Variants in KCNQ1 observed in about 807,000 individuals in gnomAD.
KCNQ1 encodes the protein potassium voltage-gated channel subfamily KQT member 1.
Under a neutral mutation model 72.4 loss-of-function variants are expected in KCNQ1, and 49 were observed. The ratio of observed to expected loss-of-function variants is 0.68; its 90% CI spans 0.54 to 0.86. The LOEUF is 0.86. Ranked by LOEUF, KCNQ1 falls within the 40% of genes least tolerant of loss-of-function variation. The pLI is 0.00. For missense variants in KCNQ1, 790 were observed against 945.1 expected (o/e 0.84, Z 2.15); for synonymous variants, 450 against 412.6 (o/e 1.09, Z -1.10).
chr11:2,694,888 CAAGGG>C (rs1185898058), intron 11 of KCNQ1: 1 of 398,446 alleles, frequency 2.5e-6, no homozygotes, highest in Non-Finnish European at 4.4e-6. Flanking sequence ...AAGGAATTGT[CAAGGG>C]AAGATCACCA....
At chr11:2,699,830 G>A (rs1318087139) in intron 11 of KCNQ1, 5 of 397,276 alleles carry the variant, frequency 1.3e-5, no homozygotes, top group East Asian at 1.1e-4. Flanking sequence ...CTGACGCACC[G>A]AGGAGGACCG....
At chr11:2,557,478 C>T (rs1303863678) in intron 2 of KCNQ1, among the ~76,000 whole-genome samples, 1 of 152,204 alleles carries the variant, frequency 6.6e-6, no homozygotes, top group Non-Finnish European at 1.5e-5. Flanking sequence ...AACTCCTGTT[C>T]TTGTTATCTA....
chr11:2,566,925 TG>T lies in KCNQ1; in HGVS notation c.478-3698del, dbSNP rs1420487517. 1.7e-5 allele frequency among the ~76,000 whole-genome samples: 1 copy of T among 59,428 alleles called. No individual in the cohort carries two copies. Among genetic ancestry groups the T allele is most frequent in the East Asian group, 4.6e-4 (1 of 2,186 alleles). 39.0% of individuals were successfully genotyped at this position (59,428 alleles called of 152,430 possible). On this transcript the variant is annotated intron_variant, in intron 2 of 15. Coordinates refer to ENST00000155840, the MANE Select transcript of KCNQ1 (RefSeq NM_000218.3). This position sits in a 1 kb window ranked among gnomAD's most constrained non-coding sequence, Gnocchi z 6.7. ...TAGTGGATGGGGCTCTCAGAGGGATTGGGGGTGATGGGGGTGCTGAGCTGGC... is the reference window on the plus strand; with the variant it reads ...TAGTGGATGGGGCTCTCAGAGGGATTGGGGTGATGGGGGTGCTGAGCTGGC...
rs756878633 is a variant in KCNQ1 at position 2,592,149 on chromosome 11, C to T, written c.1393+3295C>T. Among the ~76,000 whole-genome samples the T allele has an allele frequency of 3.9e-5, 6 of 152,262 alleles. No individual in the cohort carries two copies. The highest frequency in any genetic ancestry group is 8.8e-5 in the Non-Finnish European group (6 of 68,042). On this transcript the variant is annotated intron_variant, in intron 10 of 15. Coordinates refer to ENST00000155840, the MANE Select transcript of KCNQ1 (RefSeq NM_000218.3). The surrounding 1 kb of genome is among the most constrained non-coding windows in gnomAD (Gnocchi z 5.2). ...CCTCAGGGCTGCTACCTGTCTGCGC[C>T]ATCCACCTGCACACAAGCCCCTTCA...
intron 15 of KCNQ1, among the ~76,000 whole-genome samples, chr11:2,846,530 C>T (rs1564915746): frequency 6.6e-6 from 1 of 152,344 alleles, no homozygotes; most frequent in South Asian, 2.1e-4. Context: ...AACCCTCACT[C>T]ATGCTAGGGC....
intron 1 of KCNQ1, among the ~76,000 whole-genome samples, chr11:2,480,264 A>C (rs1180736349): frequency 1.3e-5 from 2 of 152,106 alleles, no homozygotes; most frequent in Admixed American, 6.5e-5. Context: ...TCCCAGTACC[A>C]ATTTACTGTA....
intron 1 of KCNQ1, among the ~76,000 whole-genome samples, chr11:2,480,781 A>G (rs1222058067): frequency 6.6e-6 from 1 of 152,050 alleles, no homozygotes; most frequent in Non-Finnish European, 1.5e-5. Context: ...CCCGATTTTG[A>G]CAACAGTACC....
In KCNQ1 at chr11:2,617,598, C is replaced by G; in HGVS notation, c.1393+28744C>G. 1 of 398,378 alleles carries G rather than the reference C, an allele frequency of 2.5e-6. No individual in the cohort carries two copies. 24.7% of individuals were successfully genotyped at this position (398,378 alleles called of 1,614,324 possible). On this transcript the variant is annotated intron_variant, in intron 10 of 15. Transcript: ENST00000155840. This position sits in a 1 kb window ranked among gnomAD's most constrained non-coding sequence, Gnocchi z 4.6. The stretch of plus-strand genomic sequence containing the variant: ...ATACCTAGAAGAGGGATTAGTGGGT[C>G]AGATGATAGTATATTTTCAATTTCT...
chr11:2,699,302 G>C, intron 11 of KCNQ1: 1 of 399,002 alleles, frequency 2.5e-6, no homozygotes, highest in Non-Finnish European at 4.4e-6. Context: ...CTGTGATCTG[G>C]GACGGCCGCG....
Position 2,679,336 on chromosome 11 carries a change from CACT to C in KCNQ1, c.1514+17259_1514+17261del. 1 of 398,644 alleles carries C rather than the reference CACT, an allele frequency of 2.5e-6. No homozygotes were observed. Among genetic ancestry groups the C allele is most frequent in the Non-Finnish European group, 4.4e-6 (1 of 226,072 alleles). 24.7% of individuals were successfully genotyped at this position (398,644 alleles called of 1,614,324 possible). ...GGAGTCTGAACTCATATCCTAATTCCACTACTTTCTACCTGCTACACCTTGAGT... is the reference window on the plus strand; with the variant it reads ...GGAGTCTGAACTCATATCCTAATTCCACTTTCTACCTGCTACACCTTGAGT... On this transcript the variant is annotated intron_variant, in intron 11 of 15. Transcript: ENST00000155840. This position sits in a 1 kb window ranked among gnomAD's most constrained non-coding sequence, Gnocchi z 4.8.
rs1269823666 is a variant in KCNQ1 at position 2,549,782 on chromosome 11, A to G, written c.478-20846A>G. Among the ~76,000 whole-genome samples, 1 of 152,048 alleles carries G rather than the reference A, an allele frequency of 6.6e-6. No individual in the cohort carries two copies. Among genetic ancestry groups the G allele is most frequent in the Non-Finnish European group, 1.5e-5 (1 of 67,956 alleles). ...CAGCAGCACGTGGCCCCCAGTCATG[A>G]GTACCCCAGGCCCCTATGCGCCTCC... On this transcript the variant is annotated intron_variant, in intron 2 of 15. Transcript: ENST00000155840. The surrounding 1 kb of genome is among the most constrained non-coding windows in gnomAD (Gnocchi z 6.2).
At chr11:2,583,620 T>C (rs987552932) in intron 7 of KCNQ1, 75 bp downstream of exon 7, 6 of 990,216 alleles carry the variant, frequency 6.1e-6, no homozygotes, top group Middle Eastern at 2.1e-4. Flanking sequence ...CGCCCCTCCC[T>C]GTGAGCAGAC....
chr11:2,752,459 C>T lies in KCNQ1; in HGVS notation c.1515-16385C>T, dbSNP rs1337134199. Among the ~76,000 whole-genome samples the T allele has an allele frequency of 6.6e-6, 1 of 152,014 alleles. No homozygotes were observed. Among genetic ancestry groups the T allele is most frequent in the Non-Finnish European group, 1.5e-5 (1 of 68,010 alleles). On this transcript the variant is annotated intron_variant, in intron 11 of 15. Transcript: ENST00000155840. This position sits in a 1 kb window ranked among gnomAD's most constrained non-coding sequence, Gnocchi z 5.2. The stretch of plus-strand genomic sequence containing the variant: ...TCTTAATCTGTTCAGTCTGCTATAA[C>T]CAAATACCTTAGACCTGGTGATTCA...
rs922090948 is a variant in KCNQ1, at chr11:2,567,439, C to A, written c.478-3189C>A. On this transcript the variant is annotated intron_variant, in intron 2 of 15. Transcript: ENST00000155840. The surrounding 1 kb of genome is among the most constrained non-coding windows in gnomAD (Gnocchi z 6.6). ...GCCATGGCATGGCGTGGGGGACCAG[C>A]CCTCCTCCCTGTCCCCAGCTGAGTG... 3.9e-5 allele frequency among the ~76,000 whole-genome samples: 6 copies of A among 152,120 alleles called. No individual in the cohort carries two copies. The highest frequency in any genetic ancestry group is 7.4e-5 in the Non-Finnish European group (5 of 68,000).
At chr11:2,589,337 C>T (rs185502612) in intron 10 of KCNQ1, among the ~76,000 whole-genome samples, 1 of 152,294 alleles carries the variant, frequency 6.6e-6, no homozygotes, top group Admixed American at 6.5e-5. Flanking sequence ...AGCCCAGGGG[C>T]CCCGAGTCTG....
At chr11:2,552,045 C>A (rs1847990378) in intron 2 of KCNQ1, among the ~76,000 whole-genome samples, 1 of 152,042 alleles carries the variant, frequency 6.6e-6, no homozygotes, top group Admixed American at 6.6e-5. Flanking sequence ...TTTGTCTTTG[C>A]ATTTTCTTAA....
chr11:2,816,995 G>T lies in KCNQ1; in HGVS notation c.1795-30772G>T, dbSNP rs766687586. Among the ~76,000 whole-genome samples, 2 of 152,096 alleles carry T rather than the reference G, an allele frequency of 1.3e-5. No homozygotes were observed. The highest frequency in any genetic ancestry group is 2.9e-5 in the Non-Finnish European group (2 of 68,014). ...GGTCCCTGTCCGCAGAGGGTGTCAG[G>T]GCTTGAGGTCAACAGGGAGGTCTCA... On this transcript the variant is annotated intron_variant, in intron 15 of 15. Coordinates refer to ENST00000155840, the MANE Select transcript of KCNQ1 (RefSeq NM_000218.3). The surrounding 1 kb of genome is among the most constrained non-coding windows in gnomAD (Gnocchi z 6.8).
rs139764915 is a variant in KCNQ1, at chr11:2,690,136, G to A, written c.1514+28055G>A. On this transcript the variant is annotated intron_variant, in intron 11 of 15. Transcript: ENST00000155840. The surrounding 1 kb of genome is among the most constrained non-coding windows in gnomAD (Gnocchi z 5.1). ...AGAACTGGGGGAGCAGGGACAAAAAGCGGGCAGCCCTCCCCAGCATGACAG... is the reference window on the plus strand; with the variant it reads ...AGAACTGGGGGAGCAGGGACAAAAAACGGGCAGCCCTCCCCAGCATGACAG... 474 of 398,982 alleles carry A rather than the reference G, an allele frequency of 1.2e-3. 2 individuals are homozygous for A. The highest frequency in any genetic ancestry group is 4.0e-3 in the Admixed American group (91 of 22,740). The allele number at this position is 398,982 out of a possible 1,614,324, so 24.7% of individuals were successfully genotyped here. A position where few individuals can be genotyped will look rare whatever the true frequency, so the allele number is the denominator to read the frequency against.
intron 15 of KCNQ1, among the ~76,000 whole-genome samples, chr11:2,837,224 G>A (rs72847582): frequency 0.01 from 1,579 of 152,302 alleles, 21 homozygotes; most frequent in Non-Finnish European, 0.015. Context: ...AGAGGCCTGG[G>A]TGGAGACAGA....
Sources: gnomAD v4.1 joint callset for allele counts (sites outside exome capture counted in the v4.1 genomes callset) on GRCh38, gnomAD v4.1.1 for gene constraint, Gnocchi (gnomAD v3.1) non-coding constraint, MANE v1.5 for transcripts, NCBI Gene and HGNC (gene_info 2026-07-23, HGNC 2026-07-21) for gene names.